The following MAML2 variants were observed in gnomAD, a reference collection of about 807,000 sequenced individuals.
MAML2 encodes the protein mastermind-like protein 2.
A neutral mutation model predicts 96.1 loss-of-function variants in MAML2; 22 were observed. That is an observed-to-expected ratio of 0.23 (90% CI 0.16 to 0.33). The LOEUF (loss-of-function observed/expected upper bound fraction) is 0.33. Among genes scored for constraint, MAML2 ranks in the 10% least tolerant of loss-of-function variants. MAML2 has a pLI of 1.00. For synonymous variants in MAML2, 561 were observed against 521.3 expected, an observed-to-expected ratio of 1.08 and a Z score of -1.04; for missense variants, 1,367 against 1,392.4, an observed-to-expected ratio of 0.98 and a Z score of 0.29.
chr11:95,993,816 T>C (rs143597810), intron 2 of MAML2, among the ~76,000 whole-genome samples: 11 of 152,316 alleles, frequency 7.2e-5, no homozygotes, highest in African/African-American at 2.2e-4. Flanking sequence ...GGTTACAAAA[T>C]AATTCTAAGG....
intron 2 of MAML2, among the ~76,000 whole-genome samples, chr11:96,067,419 C>A (rs1859262882): frequency 6.6e-6 from 1 of 152,212 alleles, no homozygotes; most frequent in Admixed American, 6.5e-5. Context: ...GTGTTTCTTG[C>A]AGCCAACAGC....
intron 1 of MAML2, among the ~76,000 whole-genome samples, chr11:96,164,775 A>G (rs1021196854): frequency 1.3e-5 from 2 of 152,244 alleles, no homozygotes; most frequent in Non-Finnish European, 2.9e-5. Context: ...TAAGACAGAT[A>G]GTGTGTCACT....
In MAML2 at chr11:96,047,929, A is replaced by G. The variant is rs866723920; in HGVS notation, c.2139+43963T>C. ...CTGCCTCAAAAAAAAAAAAAAAAAAAAAAAAGAAAAAAGAGAGAGAGAAAG... is the reference window on the plus strand; with the variant it reads ...CTGCCTCAAAAAAAAAAAAAAAAAAGAAAAAGAAAAAAGAGAGAGAGAAAG... On this transcript the variant is annotated intron_variant, in intron 2 of 4. Coordinates refer to ENST00000524717, the MANE Select transcript of MAML2 (RefSeq NM_032427.4). Among the ~76,000 whole-genome samples the G allele has an allele frequency of 6.9e-3, 1,040 of 150,812 alleles. 14 individuals are homozygous for G. Among genetic ancestry groups the G allele is most frequent in the African/African-American group, 0.024 (970 of 41,210 alleles).
intron 2 of MAML2, among the ~76,000 whole-genome samples, chr11:96,004,699 A>G (rs1448992864): frequency 2.0e-5 from 3 of 152,228 alleles, no homozygotes; most frequent in Non-Finnish European, 2.9e-5. Flanking sequence ...GGCAAATTAT[A>G]CAATTTTGTA....
rs1327049824 is a variant in MAML2 at position 96,138,621 on chromosome 11, A to G, written c.514-45104T>C. On this transcript the variant is annotated intron_variant, in intron 1 of 4. Coordinates refer to ENST00000524717, the MANE Select transcript of MAML2 (RefSeq NM_032427.4). The stretch of plus-strand genomic sequence containing the variant: ...CCAGCATTCAGAGAGGGTAAGAAAG[A>G]TGGGGGGGTTGGTGAATAATGATTG... Among the ~76,000 whole-genome samples, 3 of 151,900 alleles carry G rather than the reference A, an allele frequency of 2.0e-5. No homozygotes were observed. The East Asian group carries it at 5.8e-4, about 29-fold the overall frequency.
Position 96,341,749 on chromosome 11 carries a change from T to C in MAML2, c.147A>G (p.Gln49=), listed in dbSNP as rs982839152. The C allele has an allele frequency of 3.1e-6, 5 of 1,613,144 alleles. No individual in the cohort carries two copies. Among genetic ancestry groups the C allele is most frequent in the Middle Eastern group, 1.6e-4 (1 of 6,062 alleles). ...RLRARIAVCR[Q]HHLSCEGRYE... Reference sequence around the variant, plus strand: ...ATCGTCCTTCACAGCTCAGGTGGTGTTGGCGGCAGACAGCGATCCGAGCCC... The same window carrying C: ...ATCGTCCTTCACAGCTCAGGTGGTGCTGGCGGCAGACAGCGATCCGAGCCC... Residue 49 remains glutamine, a synonymous_variant, in exon 1 of 5, where the codon CAA becomes CAG. Transcript: ENST00000524717.
At chr11:96,272,771 C>G (rs1251123385) in intron 1 of MAML2, among the ~76,000 whole-genome samples, 1 of 152,142 alleles carries the variant, frequency 6.6e-6, no homozygotes, top group Non-Finnish European at 1.5e-5. Context: ...TTACTCTGAC[C>G]CTTTAACTTC....
chr11:96,121,933 C>A (rs1379523828), intron 1 of MAML2, among the ~76,000 whole-genome samples: 2 of 141,562 alleles, frequency 1.4e-5, no homozygotes, highest in Non-Finnish European at 3.0e-5. Context: ...ACTACAGGCA[C>A]CCGCCACCAC....
chr11:96,119,568 G>A (rs995332778), intron 1 of MAML2, among the ~76,000 whole-genome samples: 1 of 152,144 alleles, frequency 6.6e-6, no homozygotes, highest in African/African-American at 2.4e-5. Flanking sequence ...CTCAATTTGT[G>A]GTAATTTGTT....
At chr11:96,318,899 T>C (rs973313862) in intron 1 of MAML2, among the ~76,000 whole-genome samples, 4 of 152,186 alleles carry the variant, frequency 2.6e-5, no homozygotes, top group Non-Finnish European at 2.9e-5. Flanking sequence ...GTTTATTCAT[T>C]AATGTGTTAA....
intron 1 of MAML2, among the ~76,000 whole-genome samples, chr11:96,250,098 C>T (rs1401897217): frequency 6.6e-6 from 1 of 152,160 alleles, no homozygotes; most frequent in African/African-American, 2.4e-5. Context: ...TTACTTCCTG[C>T]AGGCCCGCTC....
rs553578983 is a variant in MAML2, at chr11:96,093,435, G to A, written c.596C>T (p.Ser199Leu). The stretch of plus-strand genomic sequence containing the variant: ...ACGAATTCTTTTGATATCAAGAAAT[G>A]AGTTGTCCACAAAGCCATTGGGTCG... ...SKRPNGFVDN[S>L]FLDIKRIRVG... Residue 199 changes from serine to leucine, a missense_variant, in exon 2 of 5, where the codon TCA becomes TTA. Ser to Leu is a moderately radical substitution (Grantham distance 145, BLOSUM62 -2). Transcript: ENST00000524717. 2.4e-5 allele frequency: 39 copies of A among 1,614,044 alleles called. No homozygotes were observed. In the East Asian group the frequency reaches 3.8e-4, roughly 16 times the overall value.
intron 2 of MAML2, among the ~76,000 whole-genome samples, chr11:96,019,264 A>G (rs1031675503): frequency 6.6e-6 from 1 of 152,200 alleles, no homozygotes; most frequent in Non-Finnish European, 1.5e-5. Context: ...CTGATTATAT[A>G]TAGTTAGTTA....
chr11:96,292,178 A>C (rs760471405), intron 1 of MAML2, among the ~76,000 whole-genome samples: 6 of 152,176 alleles, frequency 3.9e-5, no homozygotes, highest in Non-Finnish European at 8.8e-5. Flanking sequence ...TCTTCTAGTA[A>C]TCATATTTAC....
At chr11:96,027,921 G>A (rs1259228445) in intron 2 of MAML2, among the ~76,000 whole-genome samples, 1 of 151,918 alleles carries the variant, frequency 6.6e-6, no homozygotes, top group Non-Finnish European at 1.5e-5. Flanking sequence ...TTGTAGAGAT[G>A]GGGTTTTGCC....
intron 2 of MAML2, among the ~76,000 whole-genome samples, chr11:96,054,388 ATAGT>A (rs71687411): frequency 0.082 from 12,523 of 152,250 alleles, 803 homozygotes; most frequent in East Asian, 0.26. Flanking sequence ...ACCTGTTCTG[ATAGT>A]TAGAGAAGGA....
At chr11:96,201,702 G>C (rs11021468) in intron 1 of MAML2, among the ~76,000 whole-genome samples, 82 of 152,188 alleles carry the variant, frequency 5.4e-4, no homozygotes, top group African/African-American at 1.9e-3. Flanking sequence ...GGCGGATCAC[G>C]AGGTCAGGAG....
intron 1 of MAML2, among the ~76,000 whole-genome samples, chr11:96,273,728 C>A (rs926132952): frequency 1.3e-5 from 2 of 152,070 alleles, no homozygotes; most frequent in African/African-American, 4.8e-5. Context: ...GGGTGATACT[C>A]CCTAAATTAT....
chr11:96,030,040 T>C (rs1386943994), intron 2 of MAML2, among the ~76,000 whole-genome samples: 1 of 152,118 alleles, frequency 6.6e-6, no homozygotes, highest in Non-Finnish European at 1.5e-5. Context: ...GAGACCAACC[T>C]GGCCAACACA....
Sources: gnomAD v4.1 joint callset for allele counts (sites outside exome capture counted in the v4.1 genomes callset) on GRCh38, gnomAD v4.1.1 for gene constraint, MANE v1.5 for transcripts, NCBI Gene and HGNC (gene_info 2026-07-23, HGNC 2026-07-21) for gene names.